The following NRXN1 variants were observed in gnomAD, a reference collection of about 807,000 sequenced individuals.
NRXN1 encodes neurexin 1.
A neutral mutation model predicts 150.9 loss-of-function variants in NRXN1; 39 were observed. The ratio of observed to expected loss-of-function variants is 0.26; its 90% CI spans 0.20 to 0.34. The LOEUF is 0.34. NRXN1 is among the 10% of genes least tolerant of loss of function. The probability of loss-of-function intolerance (pLI) is 1.00; values close to 1 mark genes in which losing one functional copy is unlikely to be tolerated. For missense variants in NRXN1, 1,815 were observed against 1,949.9 expected, an observed-to-expected ratio of 0.93 and a Z score of 1.30; for synonymous variants, 924 against 757.0, an observed-to-expected ratio of 1.22 and a Z score of -3.62.
intron 5 of NRXN1, among the ~76,000 whole-genome samples, chr2:50,811,003 T>C (rs572558311): frequency 4.6e-5 from 7 of 152,224 alleles, no homozygotes; most frequent in Non-Finnish European, 1.0e-4. Flanking sequence ...GTATCTTAAT[T>C]TGAAAATATT....
intron 5 of NRXN1, among the ~76,000 whole-genome samples, chr2:50,715,217 G>A (rs1452049577): frequency 2.0e-5 from 3 of 152,102 alleles, no homozygotes; most frequent in African/African-American, 7.2e-5. Context: ...TCACATATAT[G>A]TCAGTTTCAG....
At chr2:50,478,444 C>T (rs1217340659) in intron 15 of NRXN1, among the ~76,000 whole-genome samples, 1 of 152,126 alleles carries the variant, frequency 6.6e-6, no homozygotes, top group Non-Finnish European at 1.5e-5. Context: ...GCAATTCAAG[C>T]AGACATTTTG....
intron 18 of NRXN1, among the ~76,000 whole-genome samples, chr2:50,155,036 A>G (rs2058930244): frequency 6.6e-6 from 1 of 151,660 alleles, no homozygotes; most frequent in African/African-American, 2.4e-5. Context: ...AAGCTGTAAA[A>G]TAACTCTAAT....
chr2:51,005,725 A>G (rs867512227), intron 2 of NRXN1, among the ~76,000 whole-genome samples: 2 of 152,060 alleles, frequency 1.3e-5, no homozygotes, highest in South Asian at 2.1e-4. Flanking sequence ...GTAAAGAACA[A>G]AGGAAATACA....
intron 21 of NRXN1, among the ~76,000 whole-genome samples, chr2:50,007,879 T>C (rs970885939): frequency 1.3e-5 from 2 of 152,114 alleles, no homozygotes; most frequent in Admixed American, 1.3e-4. Context: ...TTTCTCCACA[T>C]CCTCTCCAGC....
intron 2 of NRXN1, among the ~76,000 whole-genome samples, chr2:50,943,460 C>CTTTCTAAGAACA (rs1277462103): frequency 6.6e-6 from 1 of 152,168 alleles, no homozygotes; most frequent in Non-Finnish European, 1.5e-5. Flanking sequence ...ACAAGACATA[C>CTTTCTAAGAACA]TTTCTAAGAA....
intron 2 of NRXN1, among the ~76,000 whole-genome samples, chr2:50,966,690 C>T (rs1319892434): frequency 1.3e-5 from 2 of 151,770 alleles, no homozygotes; most frequent in African/African-American, 4.8e-5. Context: ...CATCAATTAA[C>T]AGAAAATGTG....
At chr2:50,102,708 G>T in intron 18 of NRXN1, among the ~76,000 whole-genome samples, 1 of 152,030 alleles carries the variant, frequency 6.6e-6, no homozygotes, top group East Asian at 1.9e-4. Flanking sequence ...CTGAAGATGA[G>T]AAGAAATCAA....
At chr2:50,395,523 A>G (rs1378312165) in intron 17 of NRXN1, among the ~76,000 whole-genome samples, 2 of 152,008 alleles carry the variant, frequency 1.3e-5, no homozygotes, top group African/African-American at 4.8e-5. Flanking sequence ...GGTCCTTTAT[A>G]TGCTTGCTAG....
intron 2 of NRXN1, among the ~76,000 whole-genome samples, chr2:50,955,892 A>C (rs565334424): frequency 2.6e-5 from 4 of 152,312 alleles, no homozygotes; most frequent in South Asian, 4.1e-4. Flanking sequence ...TTCTGTAGCT[A>C]CAGACTGGGG....
At chr2:50,763,619 C>A (rs929027309) in intron 5 of NRXN1, among the ~76,000 whole-genome samples, 4 of 151,836 alleles carry the variant, frequency 2.6e-5, no homozygotes, top group African/African-American at 9.7e-5. Context: ...TGCTCTCCAG[C>A]CAACTTGTGG....
At chr2:50,422,705 G>C (rs74491480) in intron 17 of NRXN1, among the ~76,000 whole-genome samples, 2,655 of 152,270 alleles carry the variant, frequency 0.017, 84 homozygotes, top group African/African-American at 0.061. Context: ...TTTGATTCGT[G>C]ATGTGCTATT....
chr2:50,414,428 C>A (rs1369694908), intron 17 of NRXN1, among the ~76,000 whole-genome samples: 1 of 151,818 alleles, frequency 6.6e-6, no homozygotes, highest in Non-Finnish European at 1.5e-5. Flanking sequence ...TAAATATACT[C>A]CATAAATATA....
At chr2:50,795,923 G>A (rs2105645216) in intron 5 of NRXN1, among the ~76,000 whole-genome samples, 1 of 151,874 alleles carries the variant, frequency 6.6e-6, no homozygotes, top group Middle Eastern at 3.4e-3. Flanking sequence ...GCCCAATAAT[G>A]TACTGAGTCA....
rs142634365 is a variant in NRXN1, at chr2:50,518,100, T to G, written c.2374+10525A>C. 4.7e-3 allele frequency among the ~76,000 whole-genome samples: 711 copies of G among 152,230 alleles called. 2 individuals carry two copies. The highest frequency in any genetic ancestry group is 0.017 in the African/African-American group (695 of 41,572). ...GATAAATATCTCTTATGTAAATATATTTCAATGCGAAAAACATACATTTTA... is the reference window on the plus strand; with the variant it reads ...GATAAATATCTCTTATGTAAATATAGTTCAATGCGAAAAACATACATTTTA... On this transcript the variant is annotated intron_variant, in intron 12 of 22. Coordinates refer to ENST00000401669, the MANE Select transcript of NRXN1 (RefSeq NM_001330078.2).
chr2:49,970,441 TTG>T (rs1677752746), intron 21 of NRXN1: 1 of 152,120 alleles, frequency 6.6e-6, no homozygotes, highest in African/African-American at 2.4e-5. Context: ...TGAACTCATA[TTG>T]TCTTTAATGT....
intron 17 of NRXN1, among the ~76,000 whole-genome samples, chr2:50,268,326 C>A (rs537823658): frequency 6.6e-6 from 1 of 152,278 alleles, no homozygotes; most frequent in Non-Finnish European, 1.5e-5. Context: ...TTTTCATAAA[C>A]ACATAATTTA....
intron 17 of NRXN1, among the ~76,000 whole-genome samples, chr2:50,397,946 A>G (rs1391736679): frequency 6.6e-6 from 1 of 152,176 alleles, no homozygotes; most frequent in Non-Finnish European, 1.5e-5. Context: ...AATGTTCTTA[A>G]ATACATTTGG....
chr2:50,759,302 A>T lies in NRXN1; in HGVS notation c.833-135687T>A, dbSNP rs552873107. On this transcript the variant is annotated intron_variant, in intron 5 of 22. Coordinates refer to ENST00000401669, the MANE Select transcript of NRXN1 (RefSeq NM_001330078.2). ...GGGTACAAAATCCCATTGAAAACTC[A>T]GAAATGGGACTGATGGGAGAACTGA... Among the ~76,000 whole-genome samples the T allele has an allele frequency of 1.4e-4, 21 of 152,060 alleles. No homozygotes were observed. In the East Asian group the frequency reaches 4.1e-3, roughly 30 times the overall value.
Sources: gnomAD v4.1 joint callset for allele counts (sites outside exome capture counted in the v4.1 genomes callset) on GRCh38, gnomAD v4.1.1 for gene constraint, MANE v1.5 for transcripts, NCBI Gene and HGNC (gene_info 2026-07-23, HGNC 2026-07-21) for gene names.